PSD: variants seen among roughly 807,000 people sequenced by gnomAD.
PSD encodes the protein PH and SEC7 domain-containing protein 1.
Under a neutral mutation model 91.6 loss-of-function variants are expected in PSD, and 32 were observed. The ratio of observed to expected loss-of-function variants is 0.35; its 90% CI spans 0.26 to 0.47. The LOEUF (loss-of-function observed/expected upper bound fraction) is 0.47. PSD is among the 20% of genes least tolerant of loss of function. PSD has a pLI of 1.00. For synonymous variants in PSD, 532 were observed against 569.3 expected, an observed-to-expected ratio of 0.93 and a Z score of 0.93; for missense variants, 1,099 against 1,373.9, an observed-to-expected ratio of 0.80 and a Z score of 3.16.
Position 102,416,445 on chromosome 10 carries a change from G to A in PSD, c.594C>T (p.Gly198=), listed in dbSNP as rs779243165. ...LYSSLPNGLG[G]PPERLATLFG... is the part of the protein sequence containing the mutation. ...AGAGTGTGGCCAGGCGCTCAGGGGG[G>A]CCCCCCAGCCCATTGGGGAGAGAGG... is the stretch of plus-strand genomic sequence containing the variant. The change falls in exon 2 of 17, where the codon GGC becomes GGT. Residue 198 remains glycine, a synonymous_variant. Coordinates refer to ENST00000020673, the MANE Select transcript of PSD (RefSeq NM_002779.5). This position sits in a 1 kb window ranked among gnomAD's most constrained non-coding sequence, Gnocchi z 6.0. The A allele has an allele frequency of 1.2e-6, 2 of 1,612,110 alleles. No homozygotes were observed. The highest frequency in any genetic ancestry group is 1.7e-6 in the Non-Finnish European group (2 of 1,179,208).
chr10:102,415,463 CT>C (rs1458193636), intron 3 of PSD, among the ~76,000 whole-genome samples: 14 of 152,072 alleles, frequency 9.2e-5, no homozygotes, highest in Admixed American at 3.3e-4. Context: ...CTTTTTCTGT[CT>C]TTTTTATTTA....
At chr10:102,407,163 C>CA in intron 11 of PSD, 60 bp downstream of exon 11, 1 of 1,490,460 alleles carries the variant, frequency 6.7e-7, no homozygotes, top group Non-Finnish European at 9.1e-7. Context: ...CTCTCAGCCT[C>CA]CCCAGGCAGC....
rs755558509 is a variant in PSD, at chr10:102,416,968, C to T, written c.71G>A (p.Arg24His). 8.7e-6 allele frequency: 14 copies of T among 1,600,568 alleles called. No homozygotes were observed. Among genetic ancestry groups the T allele is most frequent in the South Asian group, 6.6e-5 (6 of 90,942 alleles). ...CAISPPRCPR[R>H]WLPEGPVPQS... ...GGGCACCGGGCCTTCGGGGAGCCAG[C>T]GGCGTGGGCATCGTGGTGGGGAGAT... The change falls in exon 2 of 17, where the codon CGC becomes CAC. Residue 24 changes from arginine (R) to histidine (H), a missense_variant. Transcript: ENST00000020673. The surrounding 1 kb of genome is among the most constrained non-coding windows in gnomAD (Gnocchi z 6.0).
Position 102,405,858 on chromosome 10 carries a change from C to T in PSD, c.2136-322G>A. ...CTTCTCCACCAGGACAGCCCCGGGC[C>T]TGCCTCCGCTGGCTCAACCACATCC... On this transcript the variant is annotated intron_variant, in intron 11 of 16. Transcript: ENST00000020673. This position sits in a 1 kb window ranked among gnomAD's most constrained non-coding sequence, Gnocchi z 5.4. 3.6e-6 allele frequency: 1 copy of T among 277,714 alleles called. No individual in the cohort carries two copies. Among genetic ancestry groups the T allele is most frequent in the East Asian group, 6.5e-5 (1 of 15,380 alleles). 17.2% of individuals were successfully genotyped at this position (277,714 alleles called of 1,614,324 possible).
In PSD at chr10:102,416,247, AAC is replaced by A. The variant is rs766580043; in HGVS notation, c.655-130_655-129del. On this transcript the variant is annotated intron_variant, in intron 2 of 16. Transcript: ENST00000020673. The surrounding 1 kb of genome is among the most constrained non-coding windows in gnomAD (Gnocchi z 6.0). ...ATGGAGGTTCAGAGACACAGAGACA[AAC>A]ACAGAGGGCAAGAGAGAGGCAGATT... is the stretch of plus-strand genomic sequence containing the variant. 36 of 1,247,906 alleles carry A rather than the reference AAC, an allele frequency of 2.9e-5. 1 individual carries two copies. The highest frequency in any genetic ancestry group is 2.0e-4 in the East Asian group (8 of 39,454). The allele number at this position is 1,247,906 out of a possible 1,614,324, so 77.3% of individuals were successfully genotyped here. A position where few individuals can be genotyped will look rare whatever the true frequency, so the allele number is the denominator to read the frequency against.
intron 7 of PSD, 53 bp from the exon 8 acceptor site, chr10:102,411,872 G>T: frequency 7.5e-7 from 1 of 1,340,152 alleles, no homozygotes; most frequent in Non-Finnish European, 1.1e-6. Context: ...TCCAGCCTCT[G>T]TCTCTGGGGT....
intron 10 of PSD, among the ~76,000 whole-genome samples, chr10:102,407,775 T>C (rs1460851514): frequency 6.6e-6 from 1 of 152,054 alleles, no homozygotes; most frequent in East Asian, 1.9e-4. Context: ...CCTTCCCTAA[T>C]AGAGAATACA....
chr10:102,405,167 T>C lies in PSD; in HGVS notation c.2397+16A>G. The C allele has an allele frequency of 1.9e-6, 3 of 1,599,448 alleles. No individual in the cohort carries two copies. Among genetic ancestry groups the C allele is most frequent in the Non-Finnish European group, 2.6e-6 (3 of 1,172,980 alleles). ...CAACTCAGTCCCAGCCCCAGCCCCC[T>C]GGCCTGACCCCGCACCTTCTGCAGG... On this transcript the variant is annotated intron_variant, in intron 13 of 16. Transcript: ENST00000020673. The surrounding 1 kb of genome is among the most constrained non-coding windows in gnomAD (Gnocchi z 5.4).
intron 5 of PSD, among the ~76,000 whole-genome samples, chr10:102,412,924 A>G (rs2061438229): frequency 6.6e-6 from 1 of 152,152 alleles, no homozygotes; most frequent in African/African-American, 2.4e-5. Context: ...CTCTTAGACT[A>G]TGGACAAAGC....
At position 102,409,440 on chromosome 10, in the gene PSD, GGCT is replaced by G. The variant is rs1347096506; in HGVS notation, c.2091+1415_2091+1417del. 2 of 698,324 alleles carry G rather than the reference GGCT, an allele frequency of 2.9e-6. No homozygotes were observed. Among genetic ancestry groups the G allele is most frequent in the Non-Finnish European group, 3.5e-6 (2 of 567,726 alleles). 43.3% of individuals were successfully genotyped at this position (698,324 alleles called of 1,614,324 possible). A position where few individuals can be genotyped will look rare whatever the true frequency, so the allele number is the denominator to read the frequency against. On this transcript the variant is annotated intron_variant, in intron 10 of 16. Transcript: ENST00000020673. The surrounding 1 kb of genome is among the most constrained non-coding windows in gnomAD (Gnocchi z 5.7). ...CCAGCGTGGGTGGCAGCTCCAGGGAGGCTGAGAGCACCGCTAGGCCTGGGGCTG... is the reference window on the plus strand; with the variant it reads ...CCAGCGTGGGTGGCAGCTCCAGGGAGGAGAGCACCGCTAGGCCTGGGGCTG...
chr10:102,405,129 C>A lies in PSD; in HGVS notation c.2397+54G>T. The A allele has an allele frequency of 6.2e-7, 1 of 1,610,562 alleles. No individual in the cohort carries two copies. The highest frequency in any genetic ancestry group is 8.5e-7 in the Non-Finnish European group (1 of 1,179,090). Reference sequence around the variant, plus strand: ...CCCCTCCTATTCCCACCCATCACCCCACACCCACCAGCCAACTCAGTCCCA... The same window carrying A: ...CCCCTCCTATTCCCACCCATCACCCAACACCCACCAGCCAACTCAGTCCCA... On this transcript the variant is annotated intron_variant, in intron 13 of 16. Transcript: ENST00000020673. The surrounding 1 kb of genome is among the most constrained non-coding windows in gnomAD (Gnocchi z 5.4).
At chr10:102,412,884 C>T (rs1222518938) in intron 5 of PSD, among the ~76,000 whole-genome samples, 2 of 152,120 alleles carry the variant, frequency 1.3e-5, no homozygotes, top group Admixed American at 6.5e-5. Context: ...CTGTTCCCAC[C>T]CTGGCCCTAC....
chr10:102,411,636 A>G, intron 8 of PSD, 71 bp downstream of exon 8: 1 of 1,134,434 alleles, frequency 8.8e-7, no homozygotes, highest in Non-Finnish European at 1.3e-6. Flanking sequence ...GCTCCTGTAC[A>G]CACACACAGG....
rs112667714 is a variant in PSD at position 102,405,282 on chromosome 10, C to T, written c.2327-29G>A. On this transcript the variant is annotated intron_variant, in intron 12 of 16. Coordinates refer to ENST00000020673, the MANE Select transcript of PSD (RefSeq NM_002779.5). The surrounding 1 kb of genome is among the most constrained non-coding windows in gnomAD (Gnocchi z 5.4). ...CGGGGAGAGAAGACAGGTCAGGGGG[C>T]CCTGGAACAGGCCCACTCCCATCCA... The T allele has an allele frequency of 6.8e-6, 11 of 1,609,758 alleles. No individual in the cohort carries two copies. Among genetic ancestry groups the T allele is most frequent in the African/African-American group, 2.7e-5 (2 of 75,044 alleles).
chr10:102,417,770 G>A (rs1007575608), intron 1 of PSD, among the ~76,000 whole-genome samples: 5 of 149,780 alleles, frequency 3.3e-5, no homozygotes, highest in Non-Finnish European at 5.9e-5. Flanking sequence ...GTGGAATGGC[G>A]CTATCTCAGC....
At chr10:102,407,020 C>A (rs542666189) in intron 11 of PSD, among the ~76,000 whole-genome samples, 1 of 152,258 alleles carries the variant, frequency 6.6e-6, no homozygotes, top group South Asian at 2.1e-4. Context: ...CTTGTCATAA[C>A]AACCCAGCTA....
rs1355905003 is a variant in PSD at position 102,414,441 on chromosome 10, CCTT to C, written c.1125-247_1125-245del. Among the ~76,000 whole-genome samples the C allele has an allele frequency of 1.3e-5, 2 of 152,102 alleles. No individual in the cohort carries two copies. Among genetic ancestry groups the C allele is most frequent in the East Asian group, 1.9e-4 (1 of 5,190 alleles). On this transcript the variant is annotated intron_variant, in intron 4 of 16. Transcript: ENST00000020673. This position sits in a 1 kb window ranked among gnomAD's most constrained non-coding sequence, Gnocchi z 5.6. ...CTCCCTGCTAATCTCCCTTTCTCCT[CCTT>C]TTCCGTGATCCGCTTCCCTTCTGCC...
chr10:102,412,114 G>A, intron 7 of PSD, 33 bp downstream of exon 7: 4 of 1,602,788 alleles, frequency 2.5e-6, no homozygotes, highest in Non-Finnish European at 2.6e-6. Flanking sequence ...ACCCCGGAGA[G>A]TGGGGGCTGT....
At position 102,410,466 on chromosome 10, in the gene PSD, G is replaced by A. The variant is rs2061413581; in HGVS notation, c.2091+392C>T. 6.6e-6 allele frequency among the ~76,000 whole-genome samples: 1 copy of A among 152,192 alleles called. No homozygotes were observed. The highest frequency in any genetic ancestry group is 2.4e-5 in the African/African-American group (1 of 41,446). ...AGGTCTTTTTGGCTGTCCACGCGGCGGGGGAGCAGTGTGGAGTGTACCCCC... is the reference window on the plus strand; with the variant it reads ...AGGTCTTTTTGGCTGTCCACGCGGCAGGGGAGCAGTGTGGAGTGTACCCCC... On this transcript the variant is annotated intron_variant, in intron 10 of 16. Transcript: ENST00000020673. This position sits in a 1 kb window ranked among gnomAD's most constrained non-coding sequence, Gnocchi z 6.0.
Sources: gnomAD v4.1 joint callset for allele counts (sites outside exome capture counted in the v4.1 genomes callset) on GRCh38, gnomAD v4.1.1 for gene constraint, Gnocchi (gnomAD v3.1) non-coding constraint, MANE v1.5 for transcripts, NCBI Gene and HGNC (gene_info 2026-07-23, HGNC 2026-07-21) for gene names.